ASB3: variants seen among roughly 807,000 people sequenced by gnomAD.
The protein encoded by ASB3 is ankyrin repeat and SOCS box containing 3.
In ASB3, 41 loss-of-function variants were observed where a neutral mutation model predicts 54.5. The observed-to-expected ratio is 0.75, with a 90% CI of 0.59 to 0.98. The LOEUF is 0.98. ASB3 is among the 50% of genes least tolerant of loss of function. ASB3 has a pLI of 0.00. For synonymous variants in ASB3, 266 were observed against 221.2 expected (o/e 1.20, Z -1.80); for missense variants, 733 against 620.0 (o/e 1.18, Z -1.94).
intron 7 of ASB3, 57 bp from the exon 8 acceptor site, chr2:53,700,585 C>G: frequency 6.5e-7 from 1 of 1,545,816 alleles, no homozygotes; most frequent in East Asian, 2.3e-5. Flanking sequence ...ACATAAGATA[C>G]TTCTTACAAA....
intron 7 of ASB3, among the ~76,000 whole-genome samples, chr2:53,710,206 C>T (rs1332271506): frequency 6.6e-6 from 1 of 152,254 alleles, no homozygotes; most frequent in African/African-American, 2.4e-5. Flanking sequence ...CACGCTCCAG[C>T]TGCCAGACAG....
At chr2:53,707,407 C>T (rs1457056255) in intron 7 of ASB3, among the ~76,000 whole-genome samples, 1 of 151,308 alleles carries the variant, frequency 6.6e-6, no homozygotes, top group Admixed American at 6.6e-5. Flanking sequence ...TTTTGGGAGG[C>T]TGAGGCGGGC....
Position 53,713,045 on chromosome 2 carries a change from A to T in ASB3, c.980+1339T>A, listed in dbSNP as rs377182407. 4.6e-5 allele frequency among the ~76,000 whole-genome samples: 7 copies of T among 152,350 alleles called. No homozygotes were observed. In the East Asian group the frequency reaches 5.8e-4, roughly 13 times the overall value. ...AACCCAAATATTCAAACTAAAATGT[A>T]TAAGTTTAAGAGGCCGGATGGGGTG... is the stretch of plus-strand genomic sequence containing the variant. On this transcript the variant is annotated intron_variant, in intron 7 of 9. Transcript: ENST00000263634.
intron 2 of ASB3, among the ~76,000 whole-genome samples, chr2:53,754,616 G>C (rs937854648): frequency 5.9e-5 from 9 of 152,208 alleles, no homozygotes; most frequent in African/African-American, 2.2e-4. Flanking sequence ...GACTCTGCTA[G>C]AAATAATATG....
chr2:53,716,710 G>C lies in ASB3; in HGVS notation c.638C>G (p.Ala213Gly). Residue 213 changes from alanine (A) to glycine (G), a missense_variant, in exon 6 of 10, where the codon GCT becomes GGT. Physicochemically the swap from Ala to Gly is moderately conservative, Grantham distance 60 (BLOSUM62 0). Transcript: ENST00000263634. ...TTGAGCAGCAATGAACAAGGGTGTAGCTTTGTCCAAGGCTTGACAATTGAC... is the reference window on the plus strand; with the variant it reads ...TTGAGCAGCAATGAACAAGGGTGTACCTTTGTCCAAGGCTTGACAATTGAC... ...ANVNCQALDK[A>G]TPLFIAAQEG... is the part of the protein sequence containing the mutation. 2 of 1,614,018 alleles carry C rather than the reference G, an allele frequency of 1.2e-6. No homozygotes were observed. Among genetic ancestry groups the C allele is most frequent in the African/African-American group, 2.7e-5 (2 of 75,028 alleles).
At chr2:53,706,857 T>C (rs1019987081) in intron 7 of ASB3, among the ~76,000 whole-genome samples, 1 of 152,188 alleles carries the variant, frequency 6.6e-6, no homozygotes, top group Non-Finnish European at 1.5e-5. Context: ...AAGCAATTCA[T>C]CCATTCTCAC....
intron 1 of ASB3, among the ~76,000 whole-genome samples, chr2:53,773,164 A>G (rs927106821): frequency 2.6e-5 from 4 of 152,216 alleles, no homozygotes; most frequent in Non-Finnish European, 5.9e-5. Flanking sequence ...TTGGTAACTT[A>G]TAACTCCTAA....
At chr2:53,707,249 C>A (rs371709218) in intron 7 of ASB3, among the ~76,000 whole-genome samples, 35 of 152,166 alleles carry the variant, frequency 2.3e-4, no homozygotes, top group African/African-American at 8.4e-4. Flanking sequence ...CCACATGTGG[C>A]TGGTGGCTAC....
intron 5 of ASB3, among the ~76,000 whole-genome samples, chr2:53,727,764 T>TG (rs1671086636): frequency 6.6e-6 from 1 of 152,170 alleles, no homozygotes; most frequent in African/African-American, 2.4e-5. Flanking sequence ...CTCCCTCTGT[T>TG]GCCCAGGCTG....
At chr2:53,753,229 G>C (rs922659159) in intron 2 of ASB3, among the ~76,000 whole-genome samples, 3 of 152,120 alleles carry the variant, frequency 2.0e-5, no homozygotes, top group Admixed American at 2.0e-4. Flanking sequence ...TAAGACTAAA[G>C]ACAAAAAGAA....
intron 1 of ASB3, among the ~76,000 whole-genome samples, chr2:53,780,301 A>G (rs1342363194): frequency 6.6e-6 from 1 of 151,968 alleles, no homozygotes; most frequent in African/African-American, 2.4e-5. Flanking sequence ...CTCCAATCAC[A>G]CCACCCTCCT....
At chr2:53,759,561 G>T (rs111607747) in intron 2 of ASB3, among the ~76,000 whole-genome samples, 26,567 of 152,064 alleles carry the variant, frequency 0.17, 3,059 homozygotes, top group Non-Finnish European at 0.25. Context: ...GGAGGAGCAG[G>T]CAGAACGGGA....
chr2:53,715,758 A>G (rs1670350135), intron 6 of ASB3, among the ~76,000 whole-genome samples: 1 of 152,198 alleles, frequency 6.6e-6, no homozygotes. Context: ...ATGAAATAGT[A>G]AAGTACTGTG....
At chr2:53,673,326 A>C (rs1470260260) in intron 9 of ASB3, among the ~76,000 whole-genome samples, 2 of 152,316 alleles carry the variant, frequency 1.3e-5, no homozygotes, top group African/African-American at 4.8e-5. Context: ...AGCTGCTCAC[A>C]TGGAGATAAG....
At chr2:53,782,114 T>C in intron 1 of ASB3, among the ~76,000 whole-genome samples, 1 of 152,164 alleles carries the variant, frequency 6.6e-6, no homozygotes, top group Admixed American at 6.5e-5. Context: ...GAGGTTGGGA[T>C]GGCAGTGAGC....
At chr2:53,683,127 G>A (rs935486218) in intron 9 of ASB3, among the ~76,000 whole-genome samples, 1 of 152,104 alleles carries the variant, frequency 6.6e-6, no homozygotes, top group Admixed American at 6.6e-5. Flanking sequence ...CATAAACGGT[G>A]TTTACTGAAT....
At chr2:53,672,381 T>C (rs1667866200) in intron 9 of ASB3, among the ~76,000 whole-genome samples, 2 of 152,178 alleles carry the variant, frequency 1.3e-5, no homozygotes. Flanking sequence ...GGAGAAATGA[T>C]GGTTCTCACA....
At chr2:53,676,138 G>A (rs773450794) in intron 9 of ASB3, among the ~76,000 whole-genome samples, 23 of 152,158 alleles carry the variant, frequency 1.5e-4, no homozygotes, top group Non-Finnish European at 2.9e-4. Context: ...CAGACAATGA[G>A]CAAAACTATG....
Position 53,670,687 on chromosome 2 carries a change from GTGGC to G in ASB3, c.1370-1_1372del, listed in dbSNP as rs1456155820. ...ACAAAGATGGGTCAGGGATGGAACA[GTGGC>G]TGGAGAAACAAAAAAAGCAAGGTGA... On this transcript the variant is annotated splice_acceptor_variant and coding_sequence_variant, in exon 10 of 10. Coordinates refer to ENST00000263634, the MANE Select transcript of ASB3 (RefSeq NM_016115.5). LOFTEE classifies it high-confidence loss of function. 5 of 1,598,662 alleles carry G rather than the reference GTGGC, an allele frequency of 3.1e-6. No homozygotes were observed. Among genetic ancestry groups the G allele is most frequent in the Admixed American group, 3.6e-5 (2 of 55,902 alleles).
Sources: gnomAD v4.1 joint callset for allele counts (sites outside exome capture counted in the v4.1 genomes callset) on GRCh38, gnomAD v4.1.1 for gene constraint, MANE v1.5 for transcripts, NCBI Gene and HGNC (gene_info 2026-07-23, HGNC 2026-07-21) for gene names.